The following NPAS3 variants were observed in gnomAD, a reference collection of about 807,000 sequenced individuals.
NPAS3 encodes neuronal PAS domain protein 3, also known as neuronal PAS domain-containing protein 3.
In NPAS3, 14 loss-of-function variants were observed where a neutral mutation model predicts 73.1. The observed-to-expected ratio is 0.19, with a 90% confidence interval of 0.13 to 0.30. NPAS3 has a LOEUF of 0.30. NPAS3 is among the 10% of genes least tolerant of loss of function. The probability of loss-of-function intolerance (pLI) is 1.00; values close to 1 mark genes in which losing one functional copy is unlikely to be tolerated. For synonymous variants in NPAS3, 620 were observed against 541.5 expected (o/e 1.14, Z -2.01); for missense variants, 1,096 against 1,250.0 (o/e 0.88, Z 1.86).
At chr14:33,484,702 A>C (rs1259743916) in intron 4 of NPAS3, among the ~76,000 whole-genome samples, 1 of 152,208 alleles carries the variant, frequency 6.6e-6, no homozygotes, top group Non-Finnish European at 1.5e-5. Context: ...TGTCAAAAGA[A>C]AGGTGCAGTG....
At chr14:33,493,286 G>C (rs1424927535) in intron 4 of NPAS3, among the ~76,000 whole-genome samples, 1 of 150,554 alleles carries the variant, frequency 6.6e-6, no homozygotes, top group Non-Finnish European at 1.5e-5. Flanking sequence ...GACAATCGGG[G>C]GAAGATATTA....
At position 33,800,436 on chromosome 14, in the gene NPAS3, C is replaced by A; in HGVS notation, c.2129C>A (p.Ala710Asp). Residue 710 changes from alanine (A) to aspartate (D), a missense_variant, in exon 12 of 12, where the codon GCC becomes GAC. Around this residue, in one of 5 missense-constraint regions of NPAS3, gnomAD observed 698 missense variants for 676.7 expected, o/e 1.03. Coordinates refer to ENST00000356141, the Ensembl canonical transcript of NPAS3. The surrounding 1 kb of genome is among the most constrained non-coding windows in gnomAD (Gnocchi z 6.5). The stretch of plus-strand genomic sequence containing the variant: ...GGCGGTGGCGGGGGGCTGCACGTGG[C>A]CATTCCCGACTCGGTCCTCACCCCG... 1 of 1,579,950 alleles carries A rather than the reference C, an allele frequency of 6.3e-7. No homozygotes were observed. Among genetic ancestry groups the A allele is most frequent in the East Asian group, 2.4e-5 (1 of 42,124 alleles).
chr14:32,948,805 C>T (rs766724473), intron 1 of NPAS3, among the ~76,000 whole-genome samples: 10 of 151,898 alleles, frequency 6.6e-5, no homozygotes, highest in African/African-American at 1.5e-4. Context: ...ATATCGATTG[C>T]GGTAGATTAA....
chr14:33,253,730 T>A (rs1270575279), intron 3 of NPAS3, among the ~76,000 whole-genome samples: 1 of 152,090 alleles, frequency 6.6e-6, no homozygotes, highest in Non-Finnish European at 1.5e-5. Context: ...CTGGCATGCC[T>A]TGACTGGGTG....
At chr14:32,992,079 T>G (rs74041758) in intron 1 of NPAS3, among the ~76,000 whole-genome samples, 5,718 of 152,184 alleles carry the variant, frequency 0.038, 372 homozygotes, top group African/African-American at 0.13. Flanking sequence ...GGAGTCAGAA[T>G]GGGGGAGTTG....
intron 6 of NPAS3, among the ~76,000 whole-genome samples, chr14:33,689,587 C>T (rs919243505): frequency 6.6e-6 from 1 of 152,148 alleles, no homozygotes; most frequent in Non-Finnish European, 1.5e-5. Flanking sequence ...AAAAGATATG[C>T]TTCTGAAAAA....
At chr14:33,056,254 C>G (rs966371793) in intron 2 of NPAS3, among the ~76,000 whole-genome samples, 2 of 152,032 alleles carry the variant, frequency 1.3e-5, no homozygotes, top group African/African-American at 4.8e-5. Flanking sequence ...TGTATTAAAG[C>G]TCTTAGGTAA....
intron 4 of NPAS3, among the ~76,000 whole-genome samples, chr14:33,465,912 G>T (rs2050496210): frequency 6.6e-6 from 1 of 152,036 alleles, no homozygotes; most frequent in Non-Finnish European, 1.5e-5. Flanking sequence ...ATAATAAAAT[G>T]CTAAATTGTG....
At chr14:33,254,960 TA>T (rs113569307) in intron 3 of NPAS3, among the ~76,000 whole-genome samples, 219 of 146,560 alleles carry the variant, frequency 1.5e-3, no homozygotes, top group African/African-American at 4.8e-3. Flanking sequence ...GAGGAATTTG[TA>T]AAAAAAAAAA....
intron 2 of NPAS3, among the ~76,000 whole-genome samples, chr14:33,131,601 C>T (rs909683548): frequency 6.6e-6 from 1 of 152,122 alleles, no homozygotes; most frequent in African/African-American, 2.4e-5. Flanking sequence ...TTTATAGTCC[C>T]TTTTTTGTCA....
At chr14:33,729,189 G>T (rs1369319612) in intron 6 of NPAS3, among the ~76,000 whole-genome samples, 3 of 151,990 alleles carry the variant, frequency 2.0e-5, no homozygotes, top group South Asian at 4.2e-4. Flanking sequence ...AGTCAATTGG[G>T]CATTTACTTT....
chr14:33,133,656 G>A (rs990564561), intron 2 of NPAS3, among the ~76,000 whole-genome samples: 10 of 152,192 alleles, frequency 6.6e-5, no homozygotes, highest in East Asian at 5.8e-4. Flanking sequence ...AAACTTGTCC[G>A]TAGTTTGTAG....
At chr14:33,364,121 G>C (rs2045730882) in intron 3 of NPAS3, among the ~76,000 whole-genome samples, 1 of 152,164 alleles carries the variant, frequency 6.6e-6, no homozygotes, top group Non-Finnish European at 1.5e-5. Flanking sequence ...TTTAGAAACT[G>C]TCAATTTCCA....
At chr14:33,030,764 A>G (rs1048103495) in intron 1 of NPAS3, among the ~76,000 whole-genome samples, 3 of 152,196 alleles carry the variant, frequency 2.0e-5, no homozygotes, top group Non-Finnish European at 4.4e-5. Flanking sequence ...GGTGTATGCC[A>G]TTTAGAATGG....
chr14:33,400,835 T>C lies in NPAS3; in HGVS notation c.468+33567T>C, dbSNP rs181264096. On this transcript the variant is annotated intron_variant, in intron 4 of 11. Coordinates refer to ENST00000356141, the Ensembl canonical transcript of NPAS3. Reference sequence around the variant, plus strand: ...TGGTGTGTGTATGTGTGTTTGCCCATAGAAAAAATTATCCCACCAAGTATT... The same window carrying C: ...TGGTGTGTGTATGTGTGTTTGCCCACAGAAAAAATTATCCCACCAAGTATT... Among the ~76,000 whole-genome samples the C allele has an allele frequency of 2.4e-3, 371 of 152,052 alleles. 1 individual carries two copies. The highest frequency in any genetic ancestry group is 4.1e-3 in the Non-Finnish European group (280 of 67,942).
At chr14:32,956,310 G>A (rs1455460975) in intron 1 of NPAS3, among the ~76,000 whole-genome samples, 1 of 152,114 alleles carries the variant, frequency 6.6e-6, no homozygotes, top group African/African-American at 2.4e-5. Flanking sequence ...AGTTTTTCTA[G>A]GGATTTCTCC....
intron 2 of NPAS3, among the ~76,000 whole-genome samples, chr14:33,058,685 G>A (rs2040979554): frequency 6.6e-6 from 1 of 152,314 alleles, no homozygotes; most frequent in South Asian, 2.1e-4. Context: ...CAGTAAGAAT[G>A]TGTCTTATTT....
chr14:32,977,380 A>ACACACACAAC (rs1347224452), intron 1 of NPAS3, among the ~76,000 whole-genome samples: 1 of 150,814 alleles, frequency 6.6e-6, no homozygotes, highest in African/African-American at 2.5e-5. Flanking sequence ...ACACACACAC[A>ACACACACAAC]CCCCTAATCT....
intron 1 of NPAS3, among the ~76,000 whole-genome samples, chr14:33,032,162 G>C (rs1378406226): frequency 6.6e-6 from 1 of 152,198 alleles, no homozygotes; most frequent in African/African-American, 2.4e-5. Flanking sequence ...CAGAATGCAA[G>C]ATAAATGTAG....
Sources: allele counts gnomAD v4.1 joint callset (sites outside exome capture counted in the v4.1 genomes callset), GRCh38; gene constraint gnomAD v4.1.1; regional missense constraint gnomAD v4.1.1; non-coding constraint Gnocchi (gnomAD v3.1); transcripts MANE v1.5; gene names NCBI Gene and HGNC (gene_info 2026-07-23, HGNC 2026-07-21).